PLEKHA5: variants seen among roughly 807,000 people sequenced by gnomAD.
The protein encoded by PLEKHA5 is pleckstrin homology domain-containing family A member 5.
In PLEKHA5, 55 loss-of-function variants were observed where a neutral mutation model predicts 181.9. The ratio of observed to expected loss-of-function variants is 0.30; its 90% CI spans 0.24 to 0.38. The LOEUF (loss-of-function observed/expected upper bound fraction) is 0.38, where lower values mean the gene tolerates loss of function less well. Ranked by LOEUF, PLEKHA5 falls within the 10% of genes least tolerant of loss-of-function variation. The pLI, the probability that PLEKHA5 is intolerant of heterozygous loss-of-function variation, is 1.00. For synonymous variants in PLEKHA5, 535 were observed against 529.4 expected, an observed-to-expected ratio of 1.01 and a Z score of -0.15; for missense variants, 1,432 against 1,549.5, an observed-to-expected ratio of 0.92 and a Z score of 1.27.
intron 3 of PLEKHA5, among the ~76,000 whole-genome samples, chr12:19,171,058 T>TGA (rs1487899101): frequency 6.6e-6 from 1 of 152,202 alleles, no homozygotes; most frequent in Non-Finnish European, 1.5e-5. Context: ...TAATTAATTG[T>TGA]GATAGAGATA....
chr12:19,283,474 A>G lies in PLEKHA5; in HGVS notation c.1508A>G (p.Asp503Gly), dbSNP rs569836540. ...GAGGAGAAACGGAGGTCCATGAGAG[A>G]TGACACAATGTGGCAGCTCTACGAA... ...GAEEKRRSMR[D>G]DTMWQLYEWQ... Residue 503 changes from aspartate (D) to glycine (G), a missense_variant, in exon 12 of 32, where the codon GAT becomes GGT. By Grantham distance (94) the Asp-to-Gly change is moderately conservative (BLOSUM62 -1). Coordinates refer to ENST00000429027, the MANE Select transcript of PLEKHA5 (RefSeq NM_001256470.2). The G allele has an allele frequency of 8.7e-6, 14 of 1,614,012 alleles. No homozygotes were observed. The highest frequency in any genetic ancestry group is 2.2e-5 in the East Asian group (1 of 44,890).
intron 3 of PLEKHA5, among the ~76,000 whole-genome samples, chr12:19,163,898 C>T (rs1459732572): frequency 6.6e-6 from 1 of 152,092 alleles, no homozygotes; most frequent in African/African-American, 2.4e-5. Flanking sequence ...TGTTCTTTAT[C>T]CAAATTTTTC....
chr12:19,350,406 T>G (rs2094534940), intron 25 of PLEKHA5, among the ~76,000 whole-genome samples: 1 of 152,200 alleles, frequency 6.6e-6, no homozygotes, highest in Admixed American at 6.5e-5. Context: ...GAAAAATAAG[T>G]GCTTATCATA....
chr12:19,234,424 C>T (rs1805702412), intron 3 of PLEKHA5, among the ~76,000 whole-genome samples: 1 of 152,160 alleles, frequency 6.6e-6, no homozygotes, highest in African/African-American at 2.4e-5. Context: ...CTTCTGTAAA[C>T]GGTGGCTGTA....
intron 3 of PLEKHA5, among the ~76,000 whole-genome samples, chr12:19,137,212 T>C (rs1246451128): frequency 1.3e-5 from 2 of 152,082 alleles, no homozygotes; most frequent in Non-Finnish European, 2.9e-5. Context: ...ATTTTTTGTA[T>C]TTTTAGTAGA....
intron 3 of PLEKHA5, chr12:19,243,054 G>A (rs1336597641): frequency 1.3e-5 from 2 of 152,262 alleles, no homozygotes; most frequent in African/African-American, 4.8e-5. Context: ...TGGGGTGATG[G>A]TAGGCAGTGA....
chr12:19,136,276 A>G (rs1441345815), intron 3 of PLEKHA5, among the ~76,000 whole-genome samples: 6 of 152,034 alleles, frequency 3.9e-5, no homozygotes, highest in African/African-American at 7.2e-5. Context: ...TTATGTTACT[A>G]TGTGTTTGTG....
At chr12:19,277,302 A>T in intron 11 of PLEKHA5, among the ~76,000 whole-genome samples, 1 of 152,322 alleles carries the variant, frequency 6.6e-6, no homozygotes, top group East Asian at 1.9e-4. Context: ...CCCGAAAATC[A>T]TACTTTCTTA....
chr12:19,196,429 T>G (rs1226599009), intron 3 of PLEKHA5, among the ~76,000 whole-genome samples: 2 of 152,172 alleles, frequency 1.3e-5, no homozygotes, highest in Non-Finnish European at 2.9e-5. Context: ...GTAACTAACA[T>G]AATTCCTGGT....
At chr12:19,323,646 G>A (rs375470408) in intron 20 of PLEKHA5, among the ~76,000 whole-genome samples, 37 of 151,708 alleles carry the variant, frequency 2.4e-4, no homozygotes, top group East Asian at 1.4e-3. Flanking sequence ...GTGAAACCTC[G>A]TCTCTACCAA....
chr12:19,253,739 G>C (rs1329057365), intron 3 of PLEKHA5, among the ~76,000 whole-genome samples: 1 of 151,986 alleles, frequency 6.6e-6, no homozygotes, highest in African/African-American at 2.4e-5. Flanking sequence ...AGAATTGCTT[G>C]AACCCAGAAG....
At chr12:19,267,314 T>C (rs2070794848) in intron 8 of PLEKHA5, among the ~76,000 whole-genome samples, 3 of 152,300 alleles carry the variant, frequency 2.0e-5, no homozygotes, top group Middle Eastern at 3.4e-3. Flanking sequence ...CCACCACTTG[T>C]AGAGAATACT....
intron 6 of PLEKHA5, among the ~76,000 whole-genome samples, 163 bp from the exon 7 acceptor site, chr12:19,260,786 G>A (rs2068248808): frequency 6.6e-6 from 1 of 152,090 alleles, no homozygotes; most frequent in African/African-American, 2.4e-5. Flanking sequence ...CTTGAACCCA[G>A]GAGGCAGAGG....
chr12:19,136,256 A>G (rs1418823055), intron 3 of PLEKHA5, among the ~76,000 whole-genome samples: 8 of 152,140 alleles, frequency 5.3e-5, no homozygotes, highest in Admixed American at 3.9e-4. Flanking sequence ...TAAGCTAGCC[A>G]GCCTCTTAAT....
intron 15 of PLEKHA5, among the ~76,000 whole-genome samples, chr12:19,314,115 A>G (rs2087621855): frequency 6.6e-6 from 1 of 152,172 alleles, no homozygotes. Context: ...CTGCTAAAAC[A>G]AATATTTTTC....
intron 22 of PLEKHA5, among the ~76,000 whole-genome samples, chr12:19,345,450 T>A (rs6486949): frequency 0.9 from 135,948 of 150,750 alleles, 62,267 homozygotes; most frequent in Middle Eastern, 0.99. Flanking sequence ...AAAATAAATT[T>A]AAAAAAAAAT....
chr12:19,164,075 T>A (rs1238671367), intron 3 of PLEKHA5, among the ~76,000 whole-genome samples: 1 of 152,200 alleles, frequency 6.6e-6, no homozygotes, highest in Non-Finnish European at 1.5e-5. Flanking sequence ...AACACTCTTT[T>A]CACTTTGTTT....
chr12:19,319,699 G>A (rs2090116047), intron 16 of PLEKHA5: 1 of 177,702 alleles, frequency 5.6e-6, no homozygotes, highest in African/African-American at 2.4e-5. Context: ...AAGAAAAATA[G>A]TGAAGTATTG....
chr12:19,278,143 T>C (rs1410742875), intron 11 of PLEKHA5, among the ~76,000 whole-genome samples: 1 of 152,230 alleles, frequency 6.6e-6, no homozygotes, highest in East Asian at 1.9e-4. Flanking sequence ...TGCTTGATAA[T>C]AATTTAATTT....
Sources: allele counts gnomAD v4.1 joint callset (sites outside exome capture counted in the v4.1 genomes callset), GRCh38; gene constraint gnomAD v4.1.1; transcripts MANE v1.5; gene names NCBI Gene and HGNC (gene_info 2026-07-23, HGNC 2026-07-21).